The following ANKRD13C variants were observed in gnomAD, a reference collection of about 807,000 sequenced individuals.
The protein encoded by ANKRD13C is ankyrin repeat domain-containing protein 13C.
In ANKRD13C, 16 loss-of-function variants were observed where a neutral mutation model predicts 65.5. The observed-to-expected ratio is 0.24, with a 90% CI of 0.17 to 0.37. The LOEUF (loss-of-function observed/expected upper bound fraction) is 0.37, where lower values mean the gene tolerates loss of function less well. Ranked by LOEUF, ANKRD13C falls within the 10% of genes least tolerant of loss-of-function variation. ANKRD13C has a pLI of 1.00. For synonymous variants in ANKRD13C, 235 were observed against 238.7 expected (o/e 0.98, Z 0.14); for missense variants, 503 against 655.9 (o/e 0.77, Z 2.55).
intron 1 of ANKRD13C, among the ~76,000 whole-genome samples, chr1:70,351,368 C>T (rs1489058874): frequency 6.6e-6 from 1 of 152,042 alleles, no homozygotes; most frequent in East Asian, 1.9e-4. Flanking sequence ...TAAAGCAATC[C>T]AAAGAGAATA....
intron 2 of ANKRD13C, among the ~76,000 whole-genome samples, chr1:70,334,779 C>T (rs903862810): frequency 6.6e-6 from 1 of 151,836 alleles, no homozygotes; most frequent in African/African-American, 2.4e-5. Flanking sequence ...ACAAAATTAG[C>T]CCTATAATCC....
At position 70,262,319 on chromosome 1, in the gene ANKRD13C, G is replaced by A. The variant is rs1678418302; in HGVS notation, c.*398C>T. Reference sequence around the variant, plus strand: ...TTTAAAAGGGCTCCATATCTCTTAAGACATTTAATTTACGTTAATGGTCCA... The same window carrying A: ...TTTAAAAGGGCTCCATATCTCTTAAAACATTTAATTTACGTTAATGGTCCA... On this transcript the variant is annotated 3_prime_UTR_variant, in exon 13 of 13. Transcript: ENST00000370944. 6.5e-6 allele frequency: 1 copy of A among 152,858 alleles called. No individual in the cohort carries two copies. The highest frequency in any genetic ancestry group is 1.5e-5 in the Non-Finnish European group (1 of 68,252). The allele number at this position is 152,858 out of a possible 1,614,324, so 9.5% of individuals were successfully genotyped here.
chr1:70,297,287 ATT>A (rs748635051), intron 7 of ANKRD13C, among the ~76,000 whole-genome samples: 17 of 98,824 alleles, frequency 1.7e-4, no homozygotes, highest in African/African-American at 3.8e-4. Context: ...TCCCTTTCTG[ATT>A]TTTTTTTTTT....
At position 70,276,858 on chromosome 1, in the gene ANKRD13C, AAAAG is replaced by A. The variant is rs758018213; in HGVS notation, c.1216-18_1216-15del. On this transcript the variant is annotated splice_polypyrimidine_tract_variant and intron_variant, in intron 9 of 12. Coordinates refer to ENST00000370944, the MANE Select transcript of ANKRD13C (RefSeq NM_030816.5). The stretch of plus-strand genomic sequence containing the variant: ...TCTTCGAATCGGCTGCCAAAAAAAA[AAAAG>A]AAAGAAAGTGGGGTGGGGGAGAAAG... 28 of 1,581,084 alleles carry A rather than the reference AAAAG, an allele frequency of 1.8e-5. No homozygotes were observed. The South Asian group carries it at 2.5e-4, about 14-fold the overall frequency.
At chr1:70,344,946 G>T (rs1337759242) in intron 1 of ANKRD13C, among the ~76,000 whole-genome samples, 2 of 151,838 alleles carry the variant, frequency 1.3e-5, no homozygotes, top group Admixed American at 6.6e-5. Flanking sequence ...TAAGTGACAT[G>T]AGCAGTCTAT....
intron 9 of ANKRD13C, among the ~76,000 whole-genome samples, chr1:70,280,871 T>C (rs1485768647): frequency 6.6e-6 from 1 of 152,040 alleles, no homozygotes; most frequent in African/African-American, 2.4e-5. Flanking sequence ...GTAATCCAAA[T>C]GAGAAATGAT....
rs1191364500 is a variant in ANKRD13C, at chr1:70,345,563, A to G, written c.430+8416T>C. ...TACTGATGCATGATTCTGTAACACC[A>G]TGCATTGATATTTGAAAAACACCGG... is the stretch of plus-strand genomic sequence containing the variant. On this transcript the variant is annotated intron_variant, in intron 1 of 12. Coordinates refer to ENST00000370944, the MANE Select transcript of ANKRD13C (RefSeq NM_030816.5). Among the ~76,000 whole-genome samples the G allele has an allele frequency of 4.0e-5, 6 of 148,796 alleles. No individual in the cohort carries two copies. The East Asian group carries it at 1.3e-3, about 32-fold the overall frequency.
chr1:70,299,349 G>T (rs1389834360), intron 7 of ANKRD13C, among the ~76,000 whole-genome samples: 2 of 152,180 alleles, frequency 1.3e-5, no homozygotes, highest in Non-Finnish European at 2.9e-5. Flanking sequence ...AAGGAGATTA[G>T]ATTTCACTCT....
chr1:70,292,541 T>G lies in ANKRD13C; in HGVS notation c.1062A>C (p.Val354=), dbSNP rs745580833. 6.3e-7 allele frequency: 1 copy of G among 1,590,298 alleles called. No individual in the cohort carries two copies. Among genetic ancestry groups the G allele is most frequent in the Non-Finnish European group, 8.5e-7 (1 of 1,174,376 alleles). ...WLFREDKTER[V]GNFLADFYLV... The stretch of plus-strand genomic sequence containing the variant: ...GGTAAAAGTCTGCCAAAAAGTTTCC[T>G]ACTCTTTCCTAAAACAAAACCAAAT... Residue 354 remains valine (V), a synonymous_variant, in exon 9 of 13, where the codon GTA becomes GTC. Coordinates refer to ENST00000370944, the MANE Select transcript of ANKRD13C (RefSeq NM_030816.5).
At chr1:70,269,849 G>A (rs1678799841) in intron 12 of ANKRD13C, among the ~76,000 whole-genome samples, 1 of 151,914 alleles carries the variant, frequency 6.6e-6, no homozygotes, top group Non-Finnish European at 1.5e-5. Context: ...ATTCTGAGAT[G>A]TGGTTTTAAA....
chr1:70,337,309 C>T (rs1334694039), intron 1 of ANKRD13C, among the ~76,000 whole-genome samples: 2 of 152,172 alleles, frequency 1.3e-5, no homozygotes, highest in African/African-American at 4.8e-5. Context: ...TGGCCGGGCA[C>T]GGTGGCTCAC....
rs1345830194 is a variant in ANKRD13C, at chr1:70,306,259, A to G, written c.741T>C (p.Asp247=). 3.8e-6 allele frequency: 6 copies of G among 1,583,342 alleles called. No homozygotes were observed. The highest frequency in any genetic ancestry group is 3.5e-5 in the South Asian group (3 of 84,526). ...VPLLSRILPS[D]ACKIYKQGIN... is the part of the protein sequence containing the mutation. ...TACCTTGTTTGTATATTTTACATGC[A>G]TCGGAAGGCAGAATTCGGGAAAGTA... The change falls in exon 6 of 13, where the codon GAT becomes GAC. Residue 247 remains aspartate, a synonymous_variant. Transcript: ENST00000370944.
At chr1:70,289,462 C>A (rs1679761150) in intron 9 of ANKRD13C, among the ~76,000 whole-genome samples, 1 of 151,744 alleles carries the variant, frequency 6.6e-6, no homozygotes, top group African/African-American at 2.4e-5. Context: ...AGTTTGTTGC[C>A]CAAATTATTA....
chr1:70,330,728 T>C (rs1388415620), intron 2 of ANKRD13C, among the ~76,000 whole-genome samples: 1 of 152,030 alleles, frequency 6.6e-6, no homozygotes, highest in East Asian at 1.9e-4. Flanking sequence ...ATTCTAAAGT[T>C]ACTTTAAGAA....
chr1:70,349,234 C>G (rs1298710376), intron 1 of ANKRD13C, among the ~76,000 whole-genome samples: 1 of 152,058 alleles, frequency 6.6e-6, no homozygotes, highest in Non-Finnish European at 1.5e-5. Flanking sequence ...TACACTCTGA[C>G]TATGGAAAAA....
intron 7 of ANKRD13C, among the ~76,000 whole-genome samples, chr1:70,300,274 A>T (rs1388245153): frequency 6.6e-6 from 1 of 152,134 alleles, no homozygotes; most frequent in Non-Finnish European, 1.5e-5. Flanking sequence ...CAAGATGGAG[A>T]CCAGAGGATA....
intron 11 of ANKRD13C, 134 bp from the exon 12 acceptor site, chr1:70,271,090 T>G (rs1478310614): frequency 1.8e-6 from 1 of 570,592 alleles, no homozygotes; most frequent in Non-Finnish European, 3.1e-6. Context: ...ATTACAGACT[T>G]TATTCCTCCT....
At chr1:70,267,310 C>T (rs1678671955) in intron 12 of ANKRD13C, among the ~76,000 whole-genome samples, 1 of 152,124 alleles carries the variant, frequency 6.6e-6, no homozygotes, top group Admixed American at 6.6e-5. Context: ...CGGCCTATAT[C>T]ATTATATTTC....
At chr1:70,339,811 GTTTATTATTATT>G (rs994272228) in intron 1 of ANKRD13C, among the ~76,000 whole-genome samples, 2 of 125,702 alleles carry the variant, frequency 1.6e-5, no homozygotes, top group Admixed American at 1.8e-4. Flanking sequence ...TGATCAGTAC[GTTTATTATTATT>G]ATTATTATTA....
Sources: gnomAD v4.1 joint callset for allele counts (sites outside exome capture counted in the v4.1 genomes callset) on GRCh38, gnomAD v4.1.1 for gene constraint, MANE v1.5 for transcripts, NCBI Gene and HGNC (gene_info 2026-07-23, HGNC 2026-07-21) for gene names.